Variants in SPEF2 observed in about 807,000 individuals in gnomAD.
The protein encoded by SPEF2 is sperm flagella and cilia-associated protein 2.
A neutral mutation model predicts 224.6 loss-of-function variants in SPEF2; 187 were observed. The ratio of observed to expected loss-of-function variants is 0.83; its 90% confidence interval spans 0.74 to 0.94. The LOEUF (loss-of-function observed/expected upper bound fraction) is 0.94. Among genes scored for constraint, SPEF2 ranks in the 40% least tolerant of loss-of-function variants. SPEF2 has a pLI of 0.00. For missense variants in SPEF2, 2,170 were observed against 2,135.6 expected (o/e 1.02, Z -0.32); for synonymous variants, 715 against 707.3 (o/e 1.01, Z -0.17).
At chr5:35,634,737 A>G (rs1168347371) in intron 2 of SPEF2, among the ~76,000 whole-genome samples, 1 of 152,104 alleles carries the variant, frequency 6.6e-6, no homozygotes, top group East Asian at 1.9e-4. Context: ...AAAATCATTG[A>G]CATAATACAG....
intron 26 of SPEF2, chr5:35,764,524 T>C: frequency 2.2e-6 from 1 of 455,258 alleles, no homozygotes; most frequent in South Asian, 1.6e-5. Context: ...GATCAATTGC[T>C]ATTCCCTCAT....
chr5:35,795,706 G>T lies in SPEF2; in HGVS notation c.4741G>T (p.Gly1581Cys). ...TITFEQYMQA[G>C]LWFTGDEDIK... ...TTCATTTTTATTTTTTATGTAGGCT[G>T]GTCTGTGGTTTACAGGAGATGAAGA... Residue 1581 changes from glycine to cysteine, a missense_variant, in exon 33 of 37, where the codon GGT becomes TGT. By Grantham distance (159) the Gly-to-Cys change is radical. Transcript: ENST00000356031. 6.2e-7 allele frequency: 1 copy of T among 1,612,052 alleles called. No individual in the cohort carries two copies. The highest frequency in any genetic ancestry group is 8.5e-7 in the Non-Finnish European group (1 of 1,179,178).
chr5:35,683,887 A>G (rs961314799), intron 10 of SPEF2: 1 of 152,200 alleles, frequency 6.6e-6, no homozygotes, highest in Non-Finnish European at 1.5e-5. Flanking sequence ...TATTTCCTGC[A>G]TGTTCATGAC....
chr5:35,745,320 G>A (rs569832838), intron 23 of SPEF2, among the ~76,000 whole-genome samples: 1 of 152,116 alleles, frequency 6.6e-6, no homozygotes, highest in Admixed American at 6.5e-5. Flanking sequence ...GAAGCCTCCC[G>A]GCCAGAGCTC....
chr5:35,730,355 A>C (rs1483301575), intron 21 of SPEF2, among the ~76,000 whole-genome samples: 1 of 152,238 alleles, frequency 6.6e-6, no homozygotes, highest in Non-Finnish European at 1.5e-5. Flanking sequence ...CCAGGACTCC[A>C]CGAAAAGAGG....
chr5:35,771,786 G>T, intron 27 of SPEF2, 30 bp downstream of exon 27: 2 of 1,570,204 alleles, frequency 1.3e-6, no homozygotes, highest in Non-Finnish European at 1.7e-6. Context: ...TCAGAACCCT[G>T]GATGCCTAAA....
At chr5:35,618,490 T>G (rs930437138) in intron 1 of SPEF2, among the ~76,000 whole-genome samples, 2 of 152,186 alleles carry the variant, frequency 1.3e-5, no homozygotes, top group African/African-American at 4.8e-5. Context: ...TGGTGGCTAG[T>G]CGATGAAATA....
At chr5:35,793,427 G>A (rs1756225652) in intron 32 of SPEF2, 86 bp downstream of exon 32, 2 of 1,375,422 alleles carry the variant, frequency 1.5e-6, no homozygotes, top group Admixed American at 2.2e-5. Context: ...ACATTGACAG[G>A]TCTCAGGCCA....
chr5:35,739,218 T>TC (rs1255298440), intron 21 of SPEF2, among the ~76,000 whole-genome samples: 1 of 152,166 alleles, frequency 6.6e-6, no homozygotes, highest in East Asian at 1.9e-4. Flanking sequence ...AGTTTCTGTG[T>TC]TTATGGGACT....
rs1180512499 is a variant in SPEF2, at chr5:35,709,997, T to G, written c.2839+876T>G. The G allele has an allele frequency of 5.1e-6, 5 of 982,096 alleles. No homozygotes were observed. In the African/African-American group the frequency reaches 8.7e-5, roughly 17 times the overall value. 60.8% of individuals were successfully genotyped at this position (982,096 alleles called of 1,614,324 possible). On this transcript the variant is annotated intron_variant, in intron 19 of 36. Coordinates refer to ENST00000356031, the MANE Select transcript of SPEF2 (RefSeq NM_024867.4). ...GAGATTTGAGATAGGTCTTAATTTT[T>G]AAAATTAAACTTATTCATATTAAAC...
At position 35,739,990 on chromosome 5, in the gene SPEF2, A is replaced by C; in HGVS notation, c.3135A>C (p.Val1045=). 1 of 1,614,144 alleles carries C rather than the reference A, an allele frequency of 6.2e-7. No individual in the cohort carries two copies. The highest frequency in any genetic ancestry group is 8.5e-7 in the Non-Finnish European group (1 of 1,180,010). Residue 1045 remains valine, a synonymous_variant, in exon 22 of 37, where the codon GTA becomes GTC. Transcript: ENST00000356031. The part of the protein sequence containing the change: ...ENSYINTIKT[V]LRHLREDQHT... ...CCTATATAAACACCATCAAAACAGT[A>C]CTCAGGCATCTGAGGGAAGACCAGC...
In SPEF2 at chr5:35,758,605, T is replaced by C. The variant is rs577558931; in HGVS notation, c.3469-963T>C. Among the ~76,000 whole-genome samples the C allele has an allele frequency of 5.3e-5, 8 of 152,266 alleles. No homozygotes were observed. In the South Asian group the frequency reaches 1.7e-3, roughly 32 times the overall value. ...GCTACATTTTTCACAAGGTACTTACTGGCAAAGCAAGCAGAAGGGTTTAGC... is the reference window on the plus strand; with the variant it reads ...GCTACATTTTTCACAAGGTACTTACCGGCAAAGCAAGCAGAAGGGTTTAGC... On this transcript the variant is annotated intron_variant, in intron 24 of 36. Transcript: ENST00000356031.
At chr5:35,657,525 C>G (rs1389969099) in intron 7 of SPEF2, among the ~76,000 whole-genome samples, 1 of 151,938 alleles carries the variant, frequency 6.6e-6, no homozygotes, top group Non-Finnish European at 1.5e-5. Context: ...AGGAGGTTTA[C>G]TAGACTACTT....
chr5:35,702,628 C>T lies in SPEF2; in HGVS notation c.2398+1876C>T, dbSNP rs892383068. On this transcript the variant is annotated intron_variant, in intron 16 of 36. Transcript: ENST00000356031. ...GCTGACTGTCTTCAGTTCATTAATT[C>T]GAGCAGATGCATATTAGTGTATGCG... Among the ~76,000 whole-genome samples, 11 of 152,084 alleles carry T rather than the reference C, an allele frequency of 7.2e-5. 1 individual carries two copies. Among genetic ancestry groups the T allele is most frequent in the East Asian group, 1.9e-4 (1 of 5,188 alleles).
At chr5:35,624,914 C>T (rs1050327358) in intron 1 of SPEF2, among the ~76,000 whole-genome samples, 4 of 152,202 alleles carry the variant, frequency 2.6e-5, no homozygotes, top group Non-Finnish European at 2.9e-5. Context: ...AGATTACAGG[C>T]GTGAGCCACG....
intron 2 of SPEF2, 118 bp downstream of exon 2, chr5:35,628,680 C>A: frequency 1.5e-6 from 1 of 656,642 alleles, no homozygotes; most frequent in Admixed American, 2.9e-5. Context: ...CAACCTCAAA[C>A]TCCTGGGATA....
rs967853289 is a variant in SPEF2 at position 35,703,157 on chromosome 5, T to G, written c.2399-1397T>G. Among the ~76,000 whole-genome samples, 5 of 152,018 alleles carry G rather than the reference T, an allele frequency of 3.3e-5. No homozygotes were observed. In the South Asian group the frequency reaches 1.0e-3, roughly 31 times the overall value. On this transcript the variant is annotated intron_variant, in intron 16 of 36. Coordinates refer to ENST00000356031, the MANE Select transcript of SPEF2 (RefSeq NM_024867.4). ...TTAGAAAAGGGTCTCTCTATATATA[T>G]ATGAAAGAGCTCAACTGATTTTTTT...
At chr5:35,781,511 T>A (rs1448519696) in intron 30 of SPEF2, 2 of 152,192 alleles carry the variant, frequency 1.3e-5, no homozygotes, top group Admixed American at 1.3e-4. Context: ...AGGAGACTGC[T>A]CTGCTTTTCT....
At chr5:35,748,986 T>C (rs2149713147) in intron 23 of SPEF2, among the ~76,000 whole-genome samples, 1 of 152,276 alleles carries the variant, frequency 6.6e-6, no homozygotes, top group Admixed American at 6.5e-5. Flanking sequence ...TAATCCACCA[T>C]GATCAAGTGG....
Sources: allele counts gnomAD v4.1 joint callset (sites outside exome capture counted in the v4.1 genomes callset), GRCh38; gene constraint gnomAD v4.1.1; transcripts MANE v1.5; gene names NCBI Gene and HGNC (gene_info 2026-07-23, HGNC 2026-07-21).